The following WDR25 variants were observed in gnomAD, a reference collection of about 807,000 sequenced individuals.
The protein encoded by WDR25 is WD repeat domain 25, also known as WD repeat-containing protein 25.
Under a neutral mutation model 47.7 loss-of-function variants are expected in WDR25, and 35 were observed. That is an observed-to-expected ratio of 0.73 (90% CI 0.56 to 0.97). The LOEUF (loss-of-function observed/expected upper bound fraction) is 0.97, where lower values mean the gene tolerates loss of function less well. WDR25 is among the 50% of genes least tolerant of loss of function. The pLI, the probability that WDR25 is intolerant of heterozygous loss-of-function variation, is 0.00. For missense variants in WDR25, 634 were observed against 704.7 expected (o/e 0.90, Z 1.14); for synonymous variants, 248 against 278.9 (o/e 0.89, Z 1.10).
chr14:100,479,099 T>A (rs1900114372), intron 3 of WDR25, among the ~76,000 whole-genome samples: 1 of 151,972 alleles, frequency 6.6e-6, no homozygotes, highest in Non-Finnish European at 1.5e-5. Flanking sequence ...TGCAGTGGTA[T>A]CCGTGTCCTC....
At chr14:100,492,615 A>G (rs1052354809) in intron 4 of WDR25, among the ~76,000 whole-genome samples, 1 of 152,200 alleles carries the variant, frequency 6.6e-6, no homozygotes, top group Non-Finnish European at 1.5e-5. Flanking sequence ...TCTATAATAC[A>G]TATTGCCACT....
intron 3 of WDR25, among the ~76,000 whole-genome samples, chr14:100,479,148 C>T (rs533841768): frequency 1.2e-3 from 176 of 152,202 alleles, no homozygotes; most frequent in Admixed American, 3.5e-3. Flanking sequence ...TCCCTGCCTG[C>T]AGTCTCCAGA....
intron 2 of WDR25, among the ~76,000 whole-genome samples, chr14:100,410,335 C>T (rs1484506018): frequency 2.0e-5 from 3 of 152,082 alleles, no homozygotes; most frequent in Admixed American, 1.3e-4. Flanking sequence ...TACAGAGGAC[C>T]GGCTCCCCCA....
At chr14:100,398,679 C>T (rs780426947) in intron 2 of WDR25, among the ~76,000 whole-genome samples, 3 of 148,580 alleles carry the variant, frequency 2.0e-5, no homozygotes, top group Non-Finnish European at 4.4e-5. Flanking sequence ...CCAGGTTTTC[C>T]ACTAATGTCC....
At chr14:100,416,369 CT>C (rs1897869284) in intron 2 of WDR25, among the ~76,000 whole-genome samples, 3 of 152,150 alleles carry the variant, frequency 2.0e-5, no homozygotes, top group Admixed American at 1.3e-4. Flanking sequence ...GATGTAAAAA[CT>C]TTGCTGTTTG....
At chr14:100,415,273 G>T (rs1897837849) in intron 2 of WDR25, among the ~76,000 whole-genome samples, 1 of 152,190 alleles carries the variant, frequency 6.6e-6, no homozygotes, top group Non-Finnish European at 1.5e-5. Context: ...GACAGGCAAA[G>T]AAATATTAGT....
At chr14:100,461,670 G>T (rs1349451725) in intron 2 of WDR25, among the ~76,000 whole-genome samples, 1 of 152,192 alleles carries the variant, frequency 6.6e-6, no homozygotes, top group African/African-American at 2.4e-5. Context: ...GTTAGGCACT[G>T]GTTGCACAGG....
intron 2 of WDR25, chr14:100,406,489 G>T (rs1224025327): frequency 6.6e-6 from 1 of 152,232 alleles, no homozygotes; most frequent in Non-Finnish European, 1.5e-5. Flanking sequence ...TAGTATCTTT[G>T]TTTAGTGTGA....
chr14:100,437,476 A>C (rs990507592), intron 2 of WDR25, among the ~76,000 whole-genome samples: 1 of 152,130 alleles, frequency 6.6e-6, no homozygotes, highest in Admixed American at 6.5e-5. Flanking sequence ...TAGCTTTGGC[A>C]CTTACTAGCT....
At chr14:100,388,677 T>C (rs1480604857) in intron 2 of WDR25, among the ~76,000 whole-genome samples, 1 of 152,246 alleles carries the variant, frequency 6.6e-6, no homozygotes, top group Non-Finnish European at 1.5e-5. Flanking sequence ...CATTTCCCAG[T>C]TCCAGTTGCC....
chr14:100,472,257 G>A (rs1391171033), intron 3 of WDR25, among the ~76,000 whole-genome samples: 3 of 152,232 alleles, frequency 2.0e-5, no homozygotes, highest in East Asian at 1.9e-4. Flanking sequence ...TGCATGGGCC[G>A]GCTCTCCTGA....
chr14:100,502,000 C>T (rs954119318), intron 4 of WDR25, among the ~76,000 whole-genome samples: 40 of 152,202 alleles, frequency 2.6e-4, no homozygotes, highest in Admixed American at 2.2e-3. Context: ...CTTCCCTGTC[C>T]GCTCCTACCA....
At chr14:100,461,245 A>T (rs1009045524) in intron 2 of WDR25, among the ~76,000 whole-genome samples, 1 of 151,930 alleles carries the variant, frequency 6.6e-6, no homozygotes, top group Admixed American at 6.6e-5. Context: ...AGAAAATTCC[A>T]CTCTGTCTAT....
intron 2 of WDR25, among the ~76,000 whole-genome samples, chr14:100,423,371 C>T (rs531595009): frequency 1.3e-5 from 2 of 152,258 alleles, no homozygotes; most frequent in South Asian, 2.1e-4. Context: ...CCTGGACCCA[C>T]GGGCTGGCTG....
At chr14:100,397,519 A>G (rs1333609599) in intron 2 of WDR25, among the ~76,000 whole-genome samples, 5 of 152,332 alleles carry the variant, frequency 3.3e-5, no homozygotes, top group Admixed American at 2.6e-4. Flanking sequence ...CTTTCTGGAA[A>G]GGCTCCTGGC....
intron 2 of WDR25, among the ~76,000 whole-genome samples, chr14:100,450,511 A>C (rs753893942): frequency 2.6e-4 from 39 of 152,208 alleles, no homozygotes; most frequent in Non-Finnish European, 4.0e-4. Context: ...GCAGTGAGCA[A>C]ATTTCTTGGC....
chr14:100,452,829 A>G (rs1455757228), intron 2 of WDR25, among the ~76,000 whole-genome samples: 1 of 152,180 alleles, frequency 6.6e-6, no homozygotes, highest in Non-Finnish European at 1.5e-5. Context: ...CTGTGGTAAA[A>G]TATACATAAA....
At position 100,529,177 on chromosome 14, in the gene WDR25, T is replaced by A; in HGVS notation, c.1382T>A (p.Met461Lys). The A allele has an allele frequency of 6.2e-7, 1 of 1,613,086 alleles. No homozygotes were observed. Among genetic ancestry groups the A allele is most frequent in the Non-Finnish European group, 8.5e-7 (1 of 1,179,322 alleles). ...ALFSTVWPYR[M>K]SRRRRYEGHK... ...TTCTCCACTGTGTGGCCCTACCGGA[T>A]GAGCAGACGGCGGCGCTATGAAGGG... The change falls in exon 6 of 7, where the codon ATG (methionine) becomes AAG (lysine). Residue 461 changes from methionine to lysine, a missense_variant. Coordinates refer to ENST00000402312, the MANE Select transcript of WDR25 (RefSeq NM_001161476.3). The surrounding 1 kb of genome is among the most constrained non-coding windows in gnomAD (Gnocchi z 5.1).
In WDR25 at chr14:100,495,023, A is replaced by T. The variant is rs117245868; in HGVS notation, c.1101+10899A>T. 6.1e-3 allele frequency among the ~76,000 whole-genome samples: 936 copies of T among 152,342 alleles called. 5 individuals carry two copies. The highest frequency in any genetic ancestry group is 9.2e-3 in the Non-Finnish European group (628 of 68,024). On this transcript the variant is annotated intron_variant, in intron 4 of 6. Coordinates refer to ENST00000402312, the MANE Select transcript of WDR25 (RefSeq NM_001161476.3). The stretch of plus-strand genomic sequence containing the variant: ...ATAGCAAGATCCTGACTCTACAAAG[A>T]TAAATACATAAAAGAAGAACAGAAT...
Sources: allele counts gnomAD v4.1 joint callset (sites outside exome capture counted in the v4.1 genomes callset), GRCh38; gene constraint gnomAD v4.1.1; non-coding constraint Gnocchi (gnomAD v3.1); transcripts MANE v1.5; gene names NCBI Gene and HGNC (gene_info 2026-07-23, HGNC 2026-07-21).